Variants in MTOR observed in about 807,000 individuals in gnomAD.
MTOR encodes serine/threonine-protein kinase mTOR.
A neutral mutation model predicts 319.8 loss-of-function variants in MTOR; 70 were observed. The ratio of observed to expected loss-of-function variants is 0.22; its 90% CI spans 0.18 to 0.27. The LOEUF (loss-of-function observed/expected upper bound fraction) is 0.27, where lower values mean the gene tolerates loss of function less well. Ranked by LOEUF, MTOR falls within the 10% of genes least tolerant of loss-of-function variation. MTOR has a pLI of 1.00. For synonymous variants in MTOR, 1,183 were observed against 1,211.4 expected (o/e 0.98, Z 0.49); for missense variants, 1,890 against 3,274.4 (o/e 0.58, Z 10.32).
chr1:11,163,866 T>G (rs1024886201), intron 29 of MTOR, among the ~76,000 whole-genome samples: 2 of 151,762 alleles, frequency 1.3e-5, no homozygotes, highest in Non-Finnish European at 2.9e-5. Flanking sequence ...ACATCACAAT[T>G]AAAAGAACTA....
chr1:11,143,098 G>T (rs963376272), intron 34 of MTOR, among the ~76,000 whole-genome samples: 3 of 152,102 alleles, frequency 2.0e-5, no homozygotes, highest in African/African-American at 7.2e-5. Context: ...CAATGATTTC[G>T]AAAGTTAAAA....
rs537586037 is a variant in MTOR at position 11,153,722 on chromosome 1, A to G, written c.4469+3430T>C. ...CACTGGCCACATGTGGCTACTGAAC[A>G]CCTAAAATGTGGTATGACTGAGGAA... is the stretch of plus-strand genomic sequence containing the variant. On this transcript the variant is annotated intron_variant, in intron 30 of 57. Transcript: ENST00000361445. Among the ~76,000 whole-genome samples the G allele has an allele frequency of 2.0e-4, 30 of 152,252 alleles. 1 individual carries two copies. Among genetic ancestry groups the G allele is most frequent in the African/African-American group, 5.5e-4 (23 of 41,548 alleles).
chr1:11,121,270 C>T lies in MTOR; in HGVS notation c.6909G>A (p.Leu2303=), dbSNP rs11121691. ...NTAGDDLAKL[L]WLKSPSSEVW... ...CCTCGGAGCTGGGGCTTTTCAGCCA[C>T]AGCAGCTTGGCCAGGTCGTCCCCAG... Residue 2303 remains leucine (L), a synonymous_variant, in exon 49 of 58, where the codon CTG becomes CTA. Coordinates refer to ENST00000361445, the MANE Select transcript of MTOR (RefSeq NM_004958.4). The surrounding 1 kb of genome is among the most constrained non-coding windows in gnomAD (Gnocchi z 4.9). 378,806 of 1,613,472 alleles carry T rather than the reference C, an allele frequency of 0.23. 47,585 individuals carry two copies. The highest frequency in any genetic ancestry group is 0.44 in the African/African-American group (33,025 of 74,952).
intron 36 of MTOR, among the ~76,000 whole-genome samples, chr1:11,134,759 T>C (rs1643325093): frequency 6.6e-6 from 1 of 152,222 alleles, no homozygotes. Flanking sequence ...CAAATAAAAA[T>C]TCCTACAAAG....
intron 19 of MTOR, among the ~76,000 whole-genome samples, chr1:11,223,807 A>G (rs1646743760): frequency 1.3e-5 from 2 of 152,150 alleles, no homozygotes; most frequent in Admixed American, 1.3e-4. Context: ...TGGGAGGCCG[A>G]GACGGGTGGA....
chr1:11,167,590 G>A, intron 28 of MTOR, 73 bp from the exon 29 acceptor site: 2 of 1,163,802 alleles, frequency 1.7e-6, no homozygotes. Context: ...TCATTTGTGG[G>A]CAGATGGTTC....
At chr1:11,246,148 A>C (rs1648784644) in intron 8 of MTOR, among the ~76,000 whole-genome samples, 1 of 152,250 alleles carries the variant, frequency 6.6e-6, no homozygotes, top group Non-Finnish European at 1.5e-5. Context: ...ATATTTTAGC[A>C]TATTTAATAA....
intron 28 of MTOR, among the ~76,000 whole-genome samples, chr1:11,186,463 A>G (rs1179034893): frequency 6.6e-6 from 1 of 152,224 alleles, no homozygotes; most frequent in African/African-American, 2.4e-5. Flanking sequence ...TTCATTAAGA[A>G]CAAAAGCTTA....
At position 11,115,325 on chromosome 1, in the gene MTOR, T is replaced by C; in HGVS notation, c.7089+71A>G. ...AAGGCAGTTTGGGCTTAAGTCTGCC[T>C]ACAGTGTCAGAGGAGGGGGAAAAGT... On this transcript the variant is annotated intron_variant, in intron 51 of 57. Transcript: ENST00000361445. This position sits in a 1 kb window ranked among gnomAD's most constrained non-coding sequence, Gnocchi z 4.5. 1.4e-6 allele frequency: 2 copies of C among 1,475,132 alleles called. No individual in the cohort carries two copies. The highest frequency in any genetic ancestry group is 1.9e-6 in the Non-Finnish European group (2 of 1,053,902). The allele number at this position is 1,475,132 out of a possible 1,614,324, so 91.4% of individuals were successfully genotyped here.
In MTOR at chr1:11,144,771, C is replaced by G. The variant is rs147429193; in HGVS notation, c.4765-16G>C. On this transcript the variant is annotated splice_polypyrimidine_tract_variant and intron_variant, in intron 33 of 57. Coordinates refer to ENST00000361445, the MANE Select transcript of MTOR (RefSeq NM_004958.4). Reference sequence around the variant, plus strand: ...AAACCATGGCCTGATGGAAGCAAATCGCATTCCAAACTAATTACTGCACGA... The same window carrying G: ...AAACCATGGCCTGATGGAAGCAAATGGCATTCCAAACTAATTACTGCACGA... The G allele has an allele frequency of 6.2e-7, 1 of 1,607,700 alleles. No individual in the cohort carries two copies. The highest frequency in any genetic ancestry group is 8.5e-7 in the Non-Finnish European group (1 of 1,176,992).
intron 8 of MTOR, among the ~76,000 whole-genome samples, chr1:11,243,881 G>A (rs144055181): frequency 6.6e-6 from 1 of 151,710 alleles, no homozygotes; most frequent in Non-Finnish European, 1.5e-5. Context: ...GTCATGGGCC[G>A]GGTGCAGTGT....
intron 30 of MTOR, 97 bp downstream of exon 30, chr1:11,157,055 T>C (rs2100565470): frequency 6.9e-7 from 1 of 1,442,412 alleles, no homozygotes; most frequent in South Asian, 1.4e-5. Context: ...GAGTCTGAAG[T>C]GAGAACTCCG....
At position 11,108,570 on chromosome 1, in the gene MTOR, G is replaced by A. The variant is rs555122444; in HGVS notation, c.7529-284C>T. Reference sequence around the variant, plus strand: ...CTTTACTAAAAATACAAAATTAGCCGAGTGTGGTGGCACATGCCTGTAGTC... The same window carrying A: ...CTTTACTAAAAATACAAAATTAGCCAAGTGTGGTGGCACATGCCTGTAGTC... On this transcript the variant is annotated intron_variant, in intron 56 of 57. Coordinates refer to ENST00000361445, the MANE Select transcript of MTOR (RefSeq NM_004958.4). Among the ~76,000 whole-genome samples, 51 of 151,664 alleles carry A rather than the reference G, an allele frequency of 3.4e-4. No individual in the cohort carries two copies. In the South Asian group the frequency reaches 7.9e-3, roughly 24 times the overall value.
Position 11,194,780 on chromosome 1 carries a change from T to C in MTOR, c.4253+4478A>G, listed in dbSNP as rs187022848. On this transcript the variant is annotated intron_variant, in intron 28 of 57. Coordinates refer to ENST00000361445, the MANE Select transcript of MTOR (RefSeq NM_004958.4). ...CCGGTTTTGGTATTCTTTCTGACCC[T>C]GGCTCTAACTCCTTACCTGATGTCT... 14 of 1,598,632 alleles carry C rather than the reference T, an allele frequency of 8.8e-6. No individual in the cohort carries two copies. The South Asian group carries it at 1.3e-4, about 15-fold the overall frequency.
At position 11,124,653 on chromosome 1, in the gene MTOR, C is replaced by T. The variant is rs769976479; in HGVS notation, c.6527-20G>A. The T allele has an allele frequency of 2.1e-5, 33 of 1,599,692 alleles. 1 individual carries two copies. In the South Asian group the frequency reaches 2.3e-4, roughly 11 times the overall value. ...TGCTGCCTGTAAGGAACAGTGGGAG[C>T]GGTGAGTGTACATCAGAGGTCCTCA... On this transcript the variant is annotated intron_variant, in intron 46 of 57. Transcript: ENST00000361445.
intron 26 of MTOR, among the ~76,000 whole-genome samples, chr1:11,201,958 C>T (rs985181790): frequency 1.3e-5 from 2 of 152,106 alleles, no homozygotes; most frequent in African/African-American, 4.8e-5. Flanking sequence ...CAGCTTCATG[C>T]CACCACGCTT....
intron 26 of MTOR, among the ~76,000 whole-genome samples, chr1:11,200,197 T>C (rs920347854): frequency 4.6e-5 from 7 of 152,236 alleles, no homozygotes. Flanking sequence ...AAATGATTCT[T>C]GGGATGTTTC....
chr1:11,203,881 T>C (rs1474651971), intron 26 of MTOR, among the ~76,000 whole-genome samples: 1 of 152,188 alleles, frequency 6.6e-6, no homozygotes, highest in Non-Finnish European at 1.5e-5. Flanking sequence ...AGACTCTTTA[T>C]GACTTAGATC....
intron 1 of MTOR, among the ~76,000 whole-genome samples, chr1:11,261,270 C>T (rs1569863441): frequency 6.6e-6 from 1 of 150,852 alleles, no homozygotes; most frequent in South Asian, 2.1e-4. Context: ...TCGAGACCAT[C>T]CTGGCCAACA....
Sources: gnomAD v4.1 joint callset for allele counts (sites outside exome capture counted in the v4.1 genomes callset) on GRCh38, gnomAD v4.1.1 for gene constraint, Gnocchi (gnomAD v3.1) non-coding constraint, MANE v1.5 for transcripts, NCBI Gene and HGNC (gene_info 2026-07-23, HGNC 2026-07-21) for gene names.